Variants in POLE observed in about 807,000 individuals in gnomAD.
POLE encodes the protein DNA polymerase epsilon, catalytic subunit.
A neutral mutation model predicts 279.2 loss-of-function variants in POLE; 188 were observed. That is an observed-to-expected ratio of 0.67 (90% CI 0.60 to 0.76). The LOEUF (loss-of-function observed/expected upper bound fraction) is 0.76. Among genes scored for constraint, POLE ranks in the 30% least tolerant of loss-of-function variants. The pLI is 0.00. For synonymous variants in POLE, 1,214 were observed against 1,172.5 expected, an observed-to-expected ratio of 1.04 and a Z score of -0.72; for missense variants, 2,703 against 3,016.7, an observed-to-expected ratio of 0.90 and a Z score of 2.44.
chr12:132,641,908 C>A, intron 38 of POLE, 57 bp from the exon 39 acceptor site: 1 of 1,550,838 alleles, frequency 6.4e-7, no homozygotes, highest in Non-Finnish European at 8.8e-7. Flanking sequence ...CACCACCAGC[C>A]CCCTGGGCCT....
chr12:132,635,330 C>T (rs2042009728), intron 42 of POLE, among the ~76,000 whole-genome samples: 1 of 152,250 alleles, frequency 6.6e-6, no homozygotes, highest in African/African-American at 2.4e-5. Context: ...CACCCAGGCC[C>T]TTCTCACCAA....
Position 132,632,760 on chromosome 12 carries a change from C to G in POLE, c.6040G>C (p.Gly2014Arg), listed in dbSNP as rs767749736. Residue 2014 changes from glycine (G) to arginine (R), a missense_variant, in exon 44 of 49, where the codon GGG becomes CGG. Coordinates refer to ENST00000320574, the MANE Select transcript of POLE (RefSeq NM_006231.4). ...CTCCCTGGAGCACTGCGCCTCAGCC[C>G]GTCCTTCATGCAGTGGTACACGGCC... ...IVAVYHCMKD[G>R]LRRSAPGSTP... The G allele has an allele frequency of 6.2e-7, 1 of 1,612,106 alleles. No individual in the cohort carries two copies. Among genetic ancestry groups the G allele is most frequent in the Non-Finnish European group, 8.5e-7 (1 of 1,179,964 alleles).
chr12:132,654,231 C>T (rs1339398797), intron 29 of POLE, among the ~76,000 whole-genome samples: 11 of 144,414 alleles, frequency 7.6e-5, no homozygotes, highest in Admixed American at 4.2e-4. Context: ...TATTTTTTTT[C>T]GTCTCTTTTT....
At chr12:132,641,207 G>A (rs1469496249) in intron 39 of POLE, 1 of 387,484 alleles carries the variant, frequency 2.6e-6, no homozygotes, top group African/African-American at 2.1e-5. Context: ...GGTGGGTAAT[G>A]CGAGTAGCTG....
chr12:132,670,249 G>A (rs1033991222), intron 16 of POLE, among the ~76,000 whole-genome samples: 11 of 150,712 alleles, frequency 7.3e-5, no homozygotes, highest in African/African-American at 2.0e-4. Context: ...GGTGGCAAGC[G>A]CCTGTTATCC....
chr12:132,672,719 G>A lies in POLE; in HGVS notation c.1594C>T (p.His532Tyr). The A allele has an allele frequency of 6.2e-7, 1 of 1,614,170 alleles. No homozygotes were observed. The highest frequency in any genetic ancestry group is 1.1e-5 in the South Asian group (1 of 91,084). ...QEFNKLTDDGHVLDSETYVGG... is the reference protein window; with the variant it reads ...QEFNKLTDDGYVLDSETYVGG... ...ACGTAGGTCTCAGAGTCCAGCACGT[G>A]TCCGTCGTCCGTCAGCTTATTGAAC... is the stretch of plus-strand genomic sequence containing the variant. The change falls in exon 15 of 49, where the codon CAC becomes TAC. Residue 532 changes from histidine to tyrosine, a missense_variant. Physicochemically the swap from His to Tyr is moderately conservative, Grantham distance 83 (BLOSUM62 2). Around this residue, in one of 5 missense-constraint regions of POLE, gnomAD observed 1,011 missense variants for 1,111.7 expected, o/e 0.91. Transcript: ENST00000320574.
In POLE at chr12:132,632,518, T is replaced by C. The variant is rs754412395; in HGVS notation, c.6137-10A>G. The C allele has an allele frequency of 4.3e-6, 7 of 1,613,712 alleles. No individual in the cohort carries two copies. In the East Asian group the frequency reaches 1.6e-4, roughly 36 times the overall value. On this transcript the variant is annotated splice_polypyrimidine_tract_variant and intron_variant, in intron 44 of 48. Coordinates refer to ENST00000320574, the MANE Select transcript of POLE (RefSeq NM_006231.4). ...GAGAAGGTGATCATTCCTGGAAGTATAAGGATGCTGAGGGAGGGGTCTGGG... is the reference window on the plus strand; with the variant it reads ...GAGAAGGTGATCATTCCTGGAAGTACAAGGATGCTGAGGGAGGGGTCTGGG...
chr12:132,641,830 T>C lies in POLE; in HGVS notation c.5195A>G (p.Gln1732Arg). Residue 1732 changes from glutamine to arginine, a missense_variant, in exon 39 of 49, where the codon CAG becomes CGG. By Grantham distance (43) the Gln-to-Arg change is conservative. Around this residue, in one of 5 missense-constraint regions of POLE, gnomAD observed 1,551 missense variants for 1,686.1 expected, o/e 0.92. Transcript: ENST00000320574. The stretch of plus-strand genomic sequence containing the variant: ...GAGAATGGTGTTGACGGCCAGGTTC[T>C]GAAGGTCCAGCTCCACACACACTGC... ...YSTVCVELDL[Q>R]NLAVNTILQS... 6.2e-7 allele frequency: 1 copy of C among 1,600,974 alleles called. No homozygotes were observed. Among genetic ancestry groups the C allele is most frequent in the Non-Finnish European group, 8.5e-7 (1 of 1,179,932 alleles).
rs908638591 is a variant in POLE at position 132,672,671 on chromosome 12, C to T, written c.1642G>A (p.Glu548Lys). 6.2e-6 allele frequency: 10 copies of T among 1,614,004 alleles called. No individual in the cohort carries two copies. The highest frequency in any genetic ancestry group is 2.2e-5 in the East Asian group (1 of 44,890). ...TYVGGHVEAL[E>K]SGVFRSDIPC... ...ATATCGCTGCGGAAAACCCCAGACT[C>T]GAGGGCCTCCACGTGGCCCCCGACG... The change falls in exon 15 of 49, where the codon GAG becomes AAG. Residue 548 changes from glutamate (E) to lysine (K), a missense_variant. Physicochemically the swap from Glu to Lys is moderately conservative, Grantham distance 56. Transcript: ENST00000320574.
chr12:132,676,184 C>G lies in POLE; in HGVS notation c.930G>C (p.Arg310Ser). Residue 310 changes from arginine (R) to serine (S), a missense_variant, in exon 10 of 49, where the codon AGG (arginine) becomes AGC (serine). Physicochemically the swap from Arg to Ser is moderately radical, Grantham distance 110. Transcript: ENST00000320574. ...CTTCAATATCTTCTGAAACAATCTC[C>G]CTGTTGGTGATGAGGTAGCCCTAGC... ...IDGQGYLITNREIVSEDIEDF... is the reference protein window; with the variant it reads ...IDGQGYLITNSEIVSEDIEDF... 6.2e-7 allele frequency: 1 copy of G among 1,613,264 alleles called. No homozygotes were observed.
At chr12:132,656,199 C>T (rs1384828725) in intron 29 of POLE, among the ~76,000 whole-genome samples, 1 of 151,962 alleles carries the variant, frequency 6.6e-6, no homozygotes, top group Non-Finnish European at 1.5e-5. Flanking sequence ...GAGGCAGAAG[C>T]TGCAGTGAGC....
Position 132,624,366 on chromosome 12 carries a change from C to A in POLE, c.*331G>T. The A allele has an allele frequency of 2.4e-6, 1 of 415,722 alleles. No homozygotes were observed. The allele number at this position is 415,722 out of a possible 1,614,324, so 25.8% of individuals were successfully genotyped here. ...ACTAGGGGCACCTAGAGGACGCTCC[C>A]ACCCCACCAGGTGTGGTGCAGGAAG... On this transcript the variant is annotated 3_prime_UTR_variant, in exon 49 of 49. Coordinates refer to ENST00000320574, the MANE Select transcript of POLE (RefSeq NM_006231.4).
At position 132,668,769 on chromosome 12, in the gene POLE, G is replaced by A. The variant is rs774040460; in HGVS notation, c.1924-32C>T. ...GGGGTGAGAAAGCACTTAGGGCTGG[G>A]CAGAGAGAGCTCCGACTCTGACACG... On this transcript the variant is annotated intron_variant, in intron 17 of 48. Coordinates refer to ENST00000320574, the MANE Select transcript of POLE (RefSeq NM_006231.4). The surrounding 1 kb of genome is among the most constrained non-coding windows in gnomAD (Gnocchi z 4.0). The A allele has an allele frequency of 3.1e-6, 5 of 1,613,680 alleles. No homozygotes were observed. The highest frequency in any genetic ancestry group is 3.3e-5 in the Admixed American group (2 of 60,004).
Position 132,632,479 on chromosome 12 carries a change from C to T in POLE, c.6166G>A (p.Ala2056Thr), listed in dbSNP as rs58916399. Residue 2056 changes from alanine (A) to threonine (T), a missense_variant, in exon 45 of 49, where the codon GCA (alanine) becomes ACA (threonine). By Grantham distance (58) the Ala-to-Thr change is moderately conservative (BLOSUM62 0). Around this residue, in one of 5 missense-constraint regions of POLE, gnomAD observed 1,551 missense variants for 1,686.1 expected, o/e 0.92. Coordinates refer to ENST00000320574, the MANE Select transcript of POLE (RefSeq NM_006231.4). ...AAGAAGCTCTGAGTGAGCTCATTTG[C>T]GACATAATCCTGAGAGAAGGTGATC... ...GMITFSQDYV[A>T]NELTQSFFTI... is the part of the protein sequence containing the mutation. The T allele has an allele frequency of 2.2e-5, 36 of 1,613,986 alleles. No homozygotes were observed. Among genetic ancestry groups the T allele is most frequent in the Middle Eastern group, 1.7e-4 (1 of 6,060 alleles).
chr12:132,667,394 G>T, intron 20 of POLE, 109 bp downstream of exon 20: 1 of 1,125,816 alleles, frequency 8.9e-7, no homozygotes, highest in Non-Finnish European at 1.3e-6. Context: ...CCATCCGAGT[G>T]CAAGTGCCTG....
intron 41 of POLE, 86 bp from the exon 42 acceptor site, chr12:132,636,110 C>T (rs1356592311): frequency 7.5e-7 from 1 of 1,328,878 alleles, no homozygotes; most frequent in Non-Finnish European, 1.0e-6. Flanking sequence ...TCTATCTGTA[C>T]CCTCCACTTA....
In POLE at chr12:132,632,303, T is replaced by TG. The variant is rs903443727; in HGVS notation, c.6330+11dup. 5.6e-6 allele frequency: 9 copies of TG among 1,608,974 alleles called. No homozygotes were observed. Among genetic ancestry groups the TG allele is most frequent in the Admixed American group, 1.7e-5 (1 of 59,966 alleles). ...TAGTGTCCTCTCCTCACACGCACGCTGGCACTCTCACCTTGCACACGTATT... is the reference window on the plus strand; with the variant it reads ...TAGTGTCCTCTCCTCACACGCACGCTGGGCACTCTCACCTTGCACACGTATT... On this transcript the variant is annotated intron_variant, in intron 45 of 48. Transcript: ENST00000320574.
At chr12:132,659,657 C>T (rs756275283) in intron 25 of POLE, 148 bp from the exon 26 acceptor site, 14 of 628,364 alleles carry the variant, frequency 2.2e-5, no homozygotes, top group Non-Finnish European at 3.6e-5. Context: ...GCCTGTGTGG[C>T]AATACTTTAA....
chr12:132,645,201 C>A (rs2042253914), intron 32 of POLE, among the ~76,000 whole-genome samples: 1 of 114,360 alleles, frequency 8.7e-6, no homozygotes, highest in Non-Finnish European at 1.8e-5. Flanking sequence ...AGAGGGTGCA[C>A]CCTAGCTTCC....
Sources: allele counts gnomAD v4.1 joint callset (sites outside exome capture counted in the v4.1 genomes callset), GRCh38; gene constraint gnomAD v4.1.1; regional missense constraint gnomAD v4.1.1; non-coding constraint Gnocchi (gnomAD v3.1); transcripts MANE v1.5; gene names NCBI Gene and HGNC (gene_info 2026-07-23, HGNC 2026-07-21).